Variants in SOHLH1 observed in about 807,000 individuals in gnomAD.
SOHLH1 encodes spermatogenesis and oogenesis specific basic helix-loop-helix 1.
In SOHLH1, 23 loss-of-function variants were observed where a neutral mutation model predicts 36.2. The observed-to-expected ratio is 0.64, with a 90% CI of 0.46 to 0.90. SOHLH1 has a LOEUF of 0.90. Among genes scored for constraint, SOHLH1 ranks in the 40% least tolerant of loss-of-function variants. The pLI, the probability that SOHLH1 is intolerant of heterozygous loss-of-function variation, is 0.00. For synonymous variants in SOHLH1, 289 were observed against 228.3 expected (o/e 1.27, Z -2.40); for missense variants, 608 against 517.0 (o/e 1.18, Z -1.71).
chr9:135,700,718 GTGGTGTCTCCATCCC>G (rs1264148824), upstream of SOHLH1, among the ~76,000 whole-genome samples: 1 of 152,178 alleles, frequency 6.6e-6, no homozygotes, highest in Non-Finnish European at 1.5e-5. Context: ...GTAATATAAG[GTGGTGTCTCCATCCC>G]TGCTCCGCCC....
upstream of SOHLH1, among the ~76,000 whole-genome samples, chr9:135,701,996 T>C (rs558284042): frequency 1.1e-4 from 17 of 151,996 alleles, no homozygotes; most frequent in African/African-American, 3.6e-4. Flanking sequence ...TTCGGAGTTT[T>C]GAGGGCTCAG....
rs149839172 is a variant in SOHLH1 at position 135,694,421 on chromosome 9, G to A, written c.912C>T (p.Ser304=). Residue 304 remains serine, a synonymous_variant, in exon 7 of 8, where the codon TCC becomes TCT. Transcript: ENST00000425225. ...AGCTGGGACCAGCAGTCAGCAGGAAGGACGTCCCATCGTCCACATCAGACC... is the reference window on the plus strand; with the variant it reads ...AGCTGGGACCAGCAGTCAGCAGGAAAGACGTCCCATCGTCCACATCAGACC... ...ALGSDVDDGT[S]FLLTAGPSSW... is the part of the protein sequence containing the mutation. The A allele has an allele frequency of 6.2e-6, 10 of 1,613,146 alleles. No individual in the cohort carries two copies. The Admixed American group carries it at 8.3e-5, about 13-fold the overall frequency.
At chr9:135,694,844 C>G (rs1834725554) in intron 6 of SOHLH1, among the ~76,000 whole-genome samples, 1 of 151,126 alleles carries the variant, frequency 6.6e-6, no homozygotes, top group East Asian at 2.0e-4. Flanking sequence ...TTTCCAGAAA[C>G]ACACATTAGA....
rs754379420 is a variant in SOHLH1 at position 135,695,282 on chromosome 9, G to A, written c.662-19C>T. On this transcript the variant is annotated intron_variant, in intron 5 of 7. Coordinates refer to ENST00000425225, the MANE Select transcript of SOHLH1 (RefSeq NM_001101677.2). Reference sequence around the variant, plus strand: ...GAAGGTTCTGGGAGAGAAGTCAGATGCGGGTCAGCCTTCCCTGCCCAGCCC... The same window carrying A: ...GAAGGTTCTGGGAGAGAAGTCAGATACGGGTCAGCCTTCCCTGCCCAGCCC... 1.3e-6 allele frequency: 2 copies of A among 1,575,792 alleles called. No homozygotes were observed. Among genetic ancestry groups the A allele is most frequent in the Non-Finnish European group, 1.7e-6 (2 of 1,162,152 alleles).
chr9:135,698,278 TC>T, intron 3 of SOHLH1, 50 bp downstream of exon 3: 3 of 1,610,468 alleles, frequency 1.9e-6, no homozygotes, highest in Non-Finnish European at 2.5e-6. Flanking sequence ...TGGTGAGATG[TC>T]CCATCACCGT....
chr9:135,697,690 G>C, intron 3 of SOHLH1, 63 bp from the exon 4 acceptor site: 1 of 1,570,966 alleles, frequency 6.4e-7, no homozygotes, highest in Non-Finnish European at 8.6e-7. Flanking sequence ...CCCAAGACAC[G>C]GTGACAAGAC....
intron 7 of SOHLH1, 67 bp from the exon 8 acceptor site, chr9:135,693,881 G>A: frequency 6.6e-7 from 1 of 1,505,600 alleles, no homozygotes. Flanking sequence ...AGACAGGTGG[G>A]GTCGGAGGAA....
At chr9:135,701,216 G>T (rs151179897), upstream of SOHLH1, among the ~76,000 whole-genome samples, 275 of 150,674 alleles carry the variant, frequency 1.8e-3, no homozygotes, top group African/African-American at 6.2e-3. Flanking sequence ...AGACTTCCCC[G>T]AGTGTTCCCC....
At chr9:135,695,373 C>A (rs547376090) in intron 5 of SOHLH1, 110 bp from the exon 6 acceptor site, 17 of 975,934 alleles carry the variant, frequency 1.7e-5, no homozygotes, top group Admixed American at 1.4e-4. Flanking sequence ...CGAGCACCTG[C>A]TCTGCTGCCT....
Position 135,698,982 on chromosome 9 carries a change from C to G in SOHLH1, c.197+13G>C. ...TTACAGCGCCCTCACCCCTGGGAGG[C>G]ACCACCACTCACCTGCGCTCCCTCT... On this transcript the variant is annotated intron_variant, in intron 2 of 7. Transcript: ENST00000425225. The G allele has an allele frequency of 6.2e-7, 1 of 1,611,320 alleles. No individual in the cohort carries two copies. The highest frequency in any genetic ancestry group is 1.3e-5 in the African/African-American group (1 of 75,016).
At chr9:135,698,933 CATA>C (rs1235141091) in intron 2 of SOHLH1, 59 bp downstream of exon 2, 3 of 1,609,374 alleles carry the variant, frequency 1.9e-6, no homozygotes, top group Non-Finnish European at 1.7e-6. Flanking sequence ...CAGCCCCGAA[CATA>C]ATCTCACCCG....
intron 5 of SOHLH1, among the ~76,000 whole-genome samples, chr9:135,695,627 G>T (rs1170668351): frequency 6.6e-6 from 1 of 152,094 alleles, no homozygotes; most frequent in Non-Finnish European, 1.5e-5. Context: ...TGACTCCTGG[G>T]TTTCCGGAGT....
chr9:135,696,331 G>A (rs1009174930), intron 5 of SOHLH1, among the ~76,000 whole-genome samples: 3 of 152,144 alleles, frequency 2.0e-5, no homozygotes, highest in African/African-American at 7.2e-5. Flanking sequence ...AGACAGGATA[G>A]AAGGAACAGC....
intron 7 of SOHLH1, chr9:135,694,082 C>T (rs1396182117): frequency 7.0e-7 from 1 of 1,427,022 alleles, no homozygotes; most frequent in Non-Finnish European, 9.1e-7. Context: ...TACACCTTTG[C>T]CGGCCAGCAC....
chr9:135,698,522 C>T (rs925772524), intron 2 of SOHLH1, 46 bp from the exon 3 acceptor site: 1 of 1,612,422 alleles, frequency 6.2e-7, no homozygotes, highest in Non-Finnish European at 8.5e-7. Context: ...TCCTGCCCTC[C>T]CCGAGAAGGG....
At chr9:135,694,131 G>T in intron 7 of SOHLH1, 7 of 1,433,108 alleles carry the variant, frequency 4.9e-6, no homozygotes, top group Non-Finnish European at 6.4e-6. Flanking sequence ...GGGTCAAGGG[G>T]AAGAATACAG....
At chr9:135,699,503 C>T, upstream of SOHLH1, 1 of 1,601,338 alleles carries the variant, frequency 6.2e-7, no homozygotes, top group Non-Finnish European at 8.5e-7. Flanking sequence ...ACGCGCACGG[C>T]CCCTTCCGCA....
rs561649799 is a variant in SOHLH1 at position 135,697,562 on chromosome 9, C to T, written c.411G>A (p.Ser137=). 7 of 1,612,718 alleles carry T rather than the reference C, an allele frequency of 4.3e-6. No individual in the cohort carries two copies. Among genetic ancestry groups the T allele is most frequent in the East Asian group, 2.2e-5 (1 of 44,872 alleles). ...CTGGCACACCTGCTTGAATCTGACT[C>T]GACAACGTCAACTGTAAAACATCCT... The part of the protein sequence containing the change: ...LQEDVLQLTL[S]SQIQAGVPDP... Residue 137 remains serine, a synonymous_variant, in exon 4 of 8, where the codon TCG becomes TCA. Transcript: ENST00000425225.
intron 4 of SOHLH1, 103 bp downstream of exon 4, chr9:135,697,403 C>T (rs771492572): frequency 5.9e-6 from 9 of 1,523,596 alleles, no homozygotes; most frequent in Admixed American, 1.8e-5. Flanking sequence ...GAGGCCAAGC[C>T]GGGCCTCCAG....
Sources: gnomAD v4.1 joint callset for allele counts (sites outside exome capture counted in the v4.1 genomes callset) on GRCh38, gnomAD v4.1.1 for gene constraint, MANE v1.5 for transcripts, NCBI Gene and HGNC (gene_info 2026-07-23, HGNC 2026-07-21) for gene names.